FNTB: variants seen among roughly 807,000 people sequenced by gnomAD.
FNTB encodes the protein farnesyltransferase, CAAX box, subunit beta, also known as protein farnesyltransferase subunit beta.
A neutral mutation model predicts 59.4 loss-of-function variants in FNTB; 27 were observed. That is an observed-to-expected ratio of 0.45 (90% confidence interval 0.34 to 0.63). The LOEUF is 0.63. Among genes scored for constraint, FNTB ranks in the 20% least tolerant of loss-of-function variants. The pLI, the probability that FNTB is intolerant of heterozygous loss-of-function variation, is 0.02. For synonymous variants in FNTB, 230 were observed against 220.7 expected, an observed-to-expected ratio of 1.04 and a Z score of -0.37; for missense variants, 449 against 559.6, an observed-to-expected ratio of 0.80 and a Z score of 1.99.
intron 4 of FNTB, chr14:65,021,861 GT>G (rs2061892613): frequency 4.5e-6 from 2 of 447,970 alleles, no homozygotes; most frequent in Non-Finnish European, 9.0e-6. Context: ...GGCCAGGCTG[GT>G]CTCAAACTCC....
chr14:65,021,892 C>A, intron 4 of FNTB: 1 of 455,336 alleles, frequency 2.2e-6, no homozygotes, highest in Non-Finnish European at 4.4e-6. Context: ...GTGATCCGCC[C>A]ACGTCGGCCT....
Position 65,032,687 on chromosome 14 carries a change from G to A in FNTB, c.683G>A (p.Trp228Ter). 6.2e-7 allele frequency: 1 copy of A among 1,613,514 alleles called. No homozygotes were observed. Among genetic ancestry groups the A allele is most frequent in the Non-Finnish European group, 8.5e-7 (1 of 1,179,892 alleles). ...TPDLFEGTAEWIARCQNWEGG... is the reference protein window; with the variant it reads ...TPDLFEGTAE ...GACCTCTTTGAGGGCACTGCTGAATGGATAGCAAGGTGAGAGAAGCCAGGG... is the reference window on the plus strand; with the variant it reads ...GACCTCTTTGAGGGCACTGCTGAATAGATAGCAAGGTGAGAGAAGCCAGGG... Residue 228 changes from tryptophan (W) to a stop codon, truncating the protein, a stop_gained, in exon 7 of 12, where the codon TGG becomes TAG. Transcript: ENST00000246166. LOFTEE classifies it high-confidence loss of function. The surrounding 1 kb of genome is among the most constrained non-coding windows in gnomAD (Gnocchi z 5.0).
At chr14:65,002,931 A>G (rs72625657) in intron 1 of FNTB, among the ~76,000 whole-genome samples, 4,871 of 152,272 alleles carry the variant, frequency 0.032, 326 homozygotes, top group East Asian at 0.3. Flanking sequence ...ATCCTTAAAC[A>G]AAAGTCTTAT....
chr14:65,061,442 TTTC>T lies in FNTB; in HGVS notation c.*133_*135del, dbSNP rs1182243693. On this transcript the variant is annotated 3_prime_UTR_variant, in exon 12 of 12. Transcript: ENST00000246166. ...AGTGGAGCTGTGGTTCTCTTGGTAC[TTTC>T]TTGTCAAACAAAACCAATGGCTCTG... 9 of 1,410,792 alleles carry T rather than the reference TTTC, an allele frequency of 6.4e-6. 1 individual carries two copies. The allele number at this position is 1,410,792 out of a possible 1,614,324, so 87.4% of individuals were successfully genotyped here. A position where few individuals can be genotyped will look rare whatever the true frequency, so the allele number is the denominator to read the frequency against.
rs1027536745 is a variant in FNTB, at chr14:65,031,026, T to C, written c.606-1584T>C. Among the ~76,000 whole-genome samples, 1 of 152,034 alleles carries C rather than the reference T, an allele frequency of 6.6e-6. No individual in the cohort carries two copies. The highest frequency in any genetic ancestry group is 1.5e-5 in the Non-Finnish European group (1 of 67,994). On this transcript the variant is annotated intron_variant, in intron 6 of 11. Transcript: ENST00000246166. This position sits in a 1 kb window ranked among gnomAD's most constrained non-coding sequence, Gnocchi z 4.6. Reference sequence around the variant, plus strand: ...TCTCACCATGTTGGCCAGGCTAGTCTCGAACTCCTGACCTCAAATAATCCA... The same window carrying C: ...TCTCACCATGTTGGCCAGGCTAGTCCCGAACTCCTGACCTCAAATAATCCA...
At chr14:65,045,963 TC>T (rs1354857825) in intron 9 of FNTB, among the ~76,000 whole-genome samples, 1 of 152,140 alleles carries the variant, frequency 6.6e-6, no homozygotes, top group African/African-American at 2.4e-5. Context: ...AGTCAGGAAT[TC>T]CCCAAGTCAA....
chr14:65,026,774 A>G lies in FNTB; in HGVS notation c.375-679A>G, dbSNP rs2061989630. Among the ~76,000 whole-genome samples the G allele has an allele frequency of 2.0e-5, 3 of 151,932 alleles. No individual in the cohort carries two copies. The South Asian group carries it at 6.2e-4, about 32-fold the overall frequency. Reference sequence around the variant, plus strand: ...CTACTTGGAAGGGTGAGGCAAAAGAATCTCTTGAACCTGGGAGACGGATGC... The same window carrying G: ...CTACTTGGAAGGGTGAGGCAAAAGAGTCTCTTGAACCTGGGAGACGGATGC... On this transcript the variant is annotated intron_variant, in intron 4 of 11. Coordinates refer to ENST00000246166, the MANE Select transcript of FNTB (RefSeq NM_002028.4).
At chr14:65,006,636 G>T (rs185085055) in intron 2 of FNTB, among the ~76,000 whole-genome samples, 3 of 152,316 alleles carry the variant, frequency 2.0e-5, no homozygotes, top group Admixed American at 1.3e-4. Flanking sequence ...ACCCGATCGG[G>T]CTGAGTCACT....
chr14:65,037,925 G>A (rs567126272), intron 7 of FNTB, among the ~76,000 whole-genome samples: 82 of 151,658 alleles, frequency 5.4e-4, no homozygotes, highest in Admixed American at 9.2e-4. Context: ...GATTATAGGC[G>A]TGCGCCACGA....
rs2062513267 is a variant in FNTB, at chr14:65,047,655, C to G, written c.955+3212C>G. On this transcript the variant is annotated intron_variant, in intron 9 of 11. Coordinates refer to ENST00000246166, the MANE Select transcript of FNTB (RefSeq NM_002028.4). This position sits in a 1 kb window ranked among gnomAD's most constrained non-coding sequence, Gnocchi z 5.2. ...ACTTACCCTTTGAACACAGCAAGTGCACTGTCAGGAATTTACCTGCAGGGA... is the reference window on the plus strand; with the variant it reads ...ACTTACCCTTTGAACACAGCAAGTGGACTGTCAGGAATTTACCTGCAGGGA... Among the ~76,000 whole-genome samples, 1 of 152,178 alleles carries G rather than the reference C, an allele frequency of 6.6e-6. No homozygotes were observed. The highest frequency in any genetic ancestry group is 1.5e-5 in the Non-Finnish European group (1 of 68,034).
intron 10 of FNTB, among the ~76,000 whole-genome samples, chr14:65,053,625 T>TAAAAAAAAACAAAAAA (rs201558638): frequency 1.6e-4 from 23 of 146,300 alleles, no homozygotes; most frequent in African/African-American, 4.9e-4. Flanking sequence ...CTTCTTTTTT[T>TAAAAAAAAACAAAAAA]TAAAAAAAAC....
In FNTB at chr14:65,021,925, C is replaced by T. The variant is rs559580294; in HGVS notation, c.375-5528C>T. 6.6e-4 allele frequency: 300 copies of T among 456,028 alleles called. 1 individual carries two copies. The highest frequency in any genetic ancestry group is 4.5e-3 in the South Asian group (292 of 64,560). 28.2% of individuals were successfully genotyped at this position (456,028 alleles called of 1,614,324 possible). ...CCTCCCAAAGTGCTAGGATTATAGG[C>T]GTGAGCCACTGCGCCCGGCCTATAG... On this transcript the variant is annotated intron_variant, in intron 4 of 11. Coordinates refer to ENST00000246166, the MANE Select transcript of FNTB (RefSeq NM_002028.4).
intron 1 of FNTB, chr14:65,003,199 T>G (rs1012170191): frequency 6.6e-6 from 1 of 152,082 alleles, no homozygotes; most frequent in South Asian, 2.1e-4. Flanking sequence ...GACTGTGGAG[T>G]CCTGTGTGTG....
In FNTB at chr14:65,055,497, T is replaced by C. The variant is rs117576471; in HGVS notation, c.1182+808T>C. Among the ~76,000 whole-genome samples the C allele has an allele frequency of 8.7e-4, 133 of 152,152 alleles. 1 individual carries two copies. In the East Asian group the frequency reaches 0.021, roughly 24 times the overall value. ...GTCATTGTAACCTTCCTTTTTTGTTTAAAAAAATTTTTTTTTTAATTTTTA... is the reference window on the plus strand; with the variant it reads ...GTCATTGTAACCTTCCTTTTTTGTTCAAAAAAATTTTTTTTTTAATTTTTA... On this transcript the variant is annotated intron_variant, in intron 11 of 11. Coordinates refer to ENST00000246166, the MANE Select transcript of FNTB (RefSeq NM_002028.4).
intron 7 of FNTB, among the ~76,000 whole-genome samples, chr14:65,039,618 G>T (rs1010533985): frequency 6.6e-6 from 1 of 152,010 alleles, no homozygotes; most frequent in Non-Finnish European, 1.5e-5. Flanking sequence ...GGTAGGAAAG[G>T]TTTCTCTATT....
In FNTB at chr14:65,044,324, G is replaced by T. The variant is rs1219965569; in HGVS notation, c.836G>T (p.Ser279Ile). The change falls in exon 9 of 12, where the codon AGC becomes ATC. Residue 279 changes from serine (S) to isoleucine (I), a missense_variant. Physicochemically the swap from Ser to Ile is moderately radical, Grantham distance 142 (BLOSUM62 -2). Around this residue, in one of 2 missense-constraint regions of FNTB, gnomAD observed 337 missense variants for 479.1 expected, o/e 0.70. Transcript: ENST00000246166. The surrounding 1 kb of genome is among the most constrained non-coding windows in gnomAD (Gnocchi z 5.5). ...GTGTCTCCTCAGCAATGGGTGACAA[G>T]CCGGCAGATGCGATTTGAAGGAGGA... ...NLKSLLQWVT[S>I]RQMRFEGGFQ... 6.2e-7 allele frequency: 1 copy of T among 1,613,510 alleles called. No homozygotes were observed. Among genetic ancestry groups the T allele is most frequent in the Non-Finnish European group, 8.5e-7 (1 of 1,179,802 alleles).
At chr14:65,004,130 A>G in intron 1 of FNTB, 119 bp from the exon 2 acceptor site, 4 of 1,049,516 alleles carry the variant, frequency 3.8e-6, no homozygotes, top group African/African-American at 1.6e-5. Context: ...AGTACTGTGA[A>G]GTTCCAGACC....
In FNTB at chr14:65,012,642, A is replaced by G. The variant is rs114425909; in HGVS notation, c.282+253A>G. ...TTTCTTCTGTTACTAGATGATGACT[A>G]AGGGGTTCACGTGCTTTATCTAGAC... On this transcript the variant is annotated intron_variant, in intron 3 of 11. Coordinates refer to ENST00000246166, the MANE Select transcript of FNTB (RefSeq NM_002028.4). The surrounding 1 kb of genome is among the most constrained non-coding windows in gnomAD (Gnocchi z 5.0). Among the ~76,000 whole-genome samples, 1,395 of 152,238 alleles carry G rather than the reference A, an allele frequency of 9.2e-3. 21 individuals are homozygous for G. Among genetic ancestry groups the G allele is most frequent in the African/African-American group, 0.031 (1,293 of 41,532 alleles).
intron 7 of FNTB, among the ~76,000 whole-genome samples, chr14:65,039,995 C>T (rs1034108299): frequency 6.6e-6 from 1 of 151,960 alleles, no homozygotes. Context: ...TTAAGACCAG[C>T]CTGGGTAACA....
Sources: allele counts gnomAD v4.1 joint callset (sites outside exome capture counted in the v4.1 genomes callset), GRCh38; gene constraint gnomAD v4.1.1; regional missense constraint gnomAD v4.1.1; non-coding constraint Gnocchi (gnomAD v3.1); transcripts MANE v1.5; gene names NCBI Gene and HGNC (gene_info 2026-07-23, HGNC 2026-07-21).